The following DST variants were observed in gnomAD, a reference collection of about 807,000 sequenced individuals.
DST encodes dystonin.
A neutral mutation model predicts 875.2 loss-of-function variants in DST; 253 were observed. The ratio of observed to expected loss-of-function variants is 0.29; its 90% confidence interval spans 0.26 to 0.32. The LOEUF (loss-of-function observed/expected upper bound fraction) is 0.32, where lower values mean the gene tolerates loss of function less well. Among genes scored for constraint, DST ranks in the 10% least tolerant of loss-of-function variants. The pLI is 1.00. For synonymous variants in DST, 3,124 were observed against 3,197.1 expected, an observed-to-expected ratio of 0.98 and a Z score of 0.77; for missense variants, 8,287 against 9,111.6, an observed-to-expected ratio of 0.91 and a Z score of 3.68.
intron 4 of DST, among the ~76,000 whole-genome samples, chr6:56,815,547 G>A (rs2099765518): frequency 6.6e-6 from 1 of 152,126 alleles, no homozygotes; most frequent in Non-Finnish European, 1.5e-5. Flanking sequence ...TCTGCTTTTA[G>A]AACTGGGTGA....
Position 56,552,765 on chromosome 6 carries a change from C to T in DST, c.16027G>A (p.Ala5343Thr). The T allele has an allele frequency of 1.2e-6, 2 of 1,610,332 alleles. No individual in the cohort carries two copies. Among genetic ancestry groups the T allele is most frequent in the South Asian group, 1.1e-5 (1 of 91,074 alleles). ...KRLAQDLVVE[A>T]SDSKGTSDVL... Reference sequence around the variant, plus strand: ...TCAGAGGTTCCCTTTGAGTCTGAGGCCTCTACCACAAGGTCCTGTGCAAGT... The same window carrying T: ...TCAGAGGTTCCCTTTGAGTCTGAGGTCTCTACCACAAGGTCCTGTGCAAGT... The change falls in exon 61 of 104, where the codon GCC (alanine) becomes ACC (threonine). Residue 5343 changes from alanine to threonine, a missense_variant. By Grantham distance (58) the Ala-to-Thr change is moderately conservative. Coordinates refer to ENST00000680361, the MANE Select transcript of DST (RefSeq NM_001374736.1).
At chr6:56,586,464 T>C (rs1210822523) in intron 49 of DST, among the ~76,000 whole-genome samples, 1 of 151,664 alleles carries the variant, frequency 6.6e-6, no homozygotes, top group Non-Finnish European at 1.5e-5. Flanking sequence ...TCTTCCTCCA[T>C]CCTTTTATTT....
chr6:56,515,314 GC>G, intron 72 of DST, 135 bp downstream of exon 72: 1 of 963,828 alleles, frequency 1.0e-6, no homozygotes, highest in Non-Finnish European at 1.5e-6. Flanking sequence ...TATGAGGTAA[GC>G]AAATTACACA....
chr6:56,587,349 G>A (rs958802053), intron 49 of DST, among the ~76,000 whole-genome samples: 6 of 152,134 alleles, frequency 3.9e-5, no homozygotes, highest in Non-Finnish European at 8.8e-5. Flanking sequence ...AGCAAGAAGG[G>A]AAGTTCAGAG....
rs761923573 is a variant in DST at position 56,616,795 on chromosome 6, T to G, written c.4930-2311A>C. On this transcript the variant is annotated intron_variant, in intron 36 of 103. Coordinates refer to ENST00000680361, the MANE Select transcript of DST (RefSeq NM_001374736.1). ...TTTCCATAGCTTGAAACACTGACAA[T>G]GTCTTAGAAGAATAAGAATATCCCA... 1.4e-5 allele frequency: 22 copies of G among 1,614,192 alleles called. No individual in the cohort carries two copies. Among genetic ancestry groups the G allele is most frequent in the Non-Finnish European group, 1.7e-5 (20 of 1,180,026 alleles).
At chr6:56,822,009 T>C (rs1591169325) in intron 4 of DST, among the ~76,000 whole-genome samples, 1 of 152,208 alleles carries the variant, frequency 6.6e-6, no homozygotes, top group South Asian at 2.1e-4. Flanking sequence ...AGAGAGTATA[T>C]TAAAGACTTT....
At chr6:56,648,475 C>A in intron 13 of DST, 95 bp downstream of exon 13, 2 of 1,285,610 alleles carry the variant, frequency 1.6e-6, no homozygotes, top group Non-Finnish European at 2.1e-6. Context: ...CCAAGGGCAA[C>A]TTTTGTTGAA....
chr6:56,687,032 G>A lies in DST; in HGVS notation c.1047+12621C>T, dbSNP rs1300716872. 2.6e-5 allele frequency among the ~76,000 whole-genome samples: 4 copies of A among 152,104 alleles called. No individual in the cohort carries two copies. In the East Asian group the frequency reaches 5.8e-4, roughly 22 times the overall value. On this transcript the variant is annotated intron_variant, in intron 9 of 103. Transcript: ENST00000680361. ...ACTCTGCCAAGCTAAGTGACTCCCC[G>A]TAACACTGCTGAGGGAGCTATACCT... is the stretch of plus-strand genomic sequence containing the variant.
Position 56,886,776 on chromosome 6 carries a change from CAA to C in DST, c.417+13643_417+13644del, listed in dbSNP as rs35735421. ...AGGCAATGAGAGTGAAACTCAGTCT[CAA>C]AAAAAAAAAAAAAAAAAAAATTCCT... is the stretch of plus-strand genomic sequence containing the variant. On this transcript the variant is annotated intron_variant, in intron 3 of 103. Coordinates refer to ENST00000680361, the MANE Select transcript of DST (RefSeq NM_001374736.1). Among the ~76,000 whole-genome samples, 183 of 82,206 alleles carry C rather than the reference CAA, an allele frequency of 2.2e-3. 1 individual carries two copies. Among genetic ancestry groups the C allele is most frequent in the African/African-American group, 7.3e-3 (163 of 22,224 alleles). The allele number at this position is 82,206 out of a possible 152,430, so 53.9% of individuals were successfully genotyped here. A position where few individuals can be genotyped will look rare whatever the true frequency, so the allele number is the denominator to read the frequency against.
At chr6:56,707,679 A>T (rs4072271) in intron 5 of DST, among the ~76,000 whole-genome samples, 2 of 152,004 alleles carry the variant, frequency 1.3e-5, no homozygotes, top group African/African-American at 4.8e-5. Flanking sequence ...AAGATGGGGT[A>T]TGATTCTGAA....
chr6:56,506,518 AT>A lies in DST; in HGVS notation c.19388del (p.Asn6463IlefsTer32). The A allele has an allele frequency of 6.2e-7, 1 of 1,613,010 alleles. No individual in the cohort carries two copies. Among genetic ancestry groups the A allele is most frequent in the Non-Finnish European group, 8.5e-7 (1 of 1,179,440 alleles). On this transcript the variant is annotated frameshift_variant, in exon 77 of 104. Coordinates refer to ENST00000680361, the MANE Select transcript of DST (RefSeq NM_001374736.1). LOFTEE classifies it high-confidence loss of function. ...DELNSAWDSL[N>X]KAWKDRIDKL... Reference sequence around the variant, plus strand: ...TGTCAATCCGGTCTTTCCAAGCTTTATTTAGAGAATCCCATGCTGAATTTAA... The same window carrying A: ...TGTCAATCCGGTCTTTCCAAGCTTTATTAGAGAATCCCATGCTGAATTTAA...
At position 56,620,063 on chromosome 6, in the gene DST, G is replaced by A. The variant is rs900464415; in HGVS notation, c.4929+4467C>T. On this transcript the variant is annotated intron_variant, in intron 36 of 103. Transcript: ENST00000680361. ...TTCTCTACATGTATACTGAATTTCA[G>A]TTATTTTTCTTCTTGCTTCCAATTC... 4 of 1,613,606 alleles carry A rather than the reference G, an allele frequency of 2.5e-6. No homozygotes were observed. The African/African-American group carries it at 5.3e-5, about 22-fold the overall frequency.
In DST at chr6:56,619,155, T is replaced by C. The variant is rs761199906; in HGVS notation, c.4930-4671A>G. 8 of 1,613,988 alleles carry C rather than the reference T, an allele frequency of 5.0e-6. No individual in the cohort carries two copies. The highest frequency in any genetic ancestry group is 6.8e-6 in the Non-Finnish European group (8 of 1,180,030). ...TGTTTATGCAAGTGTTCATTTGTGC[T>C]GCGTAGCTGATCTTTAAAACCATCT... is the stretch of plus-strand genomic sequence containing the variant. On this transcript the variant is annotated intron_variant, in intron 36 of 103. Transcript: ENST00000680361.
intron 58 of DST, among the ~76,000 whole-genome samples, chr6:56,559,226 C>G (rs1052458351): frequency 1.3e-5 from 2 of 152,062 alleles, no homozygotes; most frequent in Non-Finnish European, 2.9e-5. Flanking sequence ...AAAAACTCAT[C>G]CAGAAGGTTT....
At position 56,552,651 on chromosome 6, in the gene DST, G is replaced by A. The variant is rs1436206811; in HGVS notation, c.16141C>T (p.Leu5381Phe). 1 of 1,613,824 alleles carries A rather than the reference G, an allele frequency of 6.2e-7. No individual in the cohort carries two copies. The highest frequency in any genetic ancestry group is 1.3e-5 in the African/African-American group (1 of 74,912). Residue 5381 changes from leucine to phenylalanine, a missense_variant, in exon 61 of 104, where the codon CTT (leucine) becomes TTT (phenylalanine). Physicochemically the swap from Leu to Phe is conservative, Grantham distance 22. Coordinates refer to ENST00000680361, the MANE Select transcript of DST (RefSeq NM_001374736.1). Reference sequence around the variant, plus strand: ...TTCTGGAAATGCCCAATGCCCTGAAGCTTGGTTTCTAAGAAAGAACACTTT... The same window carrying A: ...TTCTGGAAATGCCCAATGCCCTGAAACTTGGTTTCTAAGAAAGAACACTTT... ...DEKCSFLETK[L>F]QGIGHFQNTI...
chr6:56,855,469 G>A (rs540543856), intron 3 of DST, among the ~76,000 whole-genome samples: 8 of 152,158 alleles, frequency 5.3e-5, no homozygotes, highest in East Asian at 1.9e-4. Flanking sequence ...AGCAGTCATC[G>A]GGGTGGGGGG....
chr6:56,716,965 A>C (rs1238079474), intron 5 of DST, among the ~76,000 whole-genome samples: 1 of 152,164 alleles, frequency 6.6e-6, no homozygotes, highest in African/African-American at 2.4e-5. Flanking sequence ...GCGGATCACG[A>C]GGTCAGGAGA....
chr6:56,627,350 T>C (rs2098743963), intron 33 of DST, 63 bp from the exon 34 acceptor site: 1 of 1,143,434 alleles, frequency 8.7e-7, no homozygotes, highest in Admixed American at 1.7e-5. Context: ...CTACATAAGA[T>C]GCTCAGTAAC....
At chr6:56,542,428 T>TTA (rs2097144180) in intron 61 of DST, 1 of 68,088 alleles carries the variant, frequency 1.5e-5, no homozygotes, top group Non-Finnish European at 2.6e-5. Context: ...TAAGCTTCTT[T>TTA]AAAAAAAAAA....
Sources: gnomAD v4.1 joint callset for allele counts (sites outside exome capture counted in the v4.1 genomes callset) on GRCh38, gnomAD v4.1.1 for gene constraint, MANE v1.5 for transcripts, NCBI Gene and HGNC (gene_info 2026-07-23, HGNC 2026-07-21) for gene names.